MBP: variants seen among roughly 807,000 people sequenced by gnomAD.
MBP encodes myelin basic protein.
A neutral mutation model predicts 35.8 loss-of-function variants in MBP; 16 were observed. The ratio of observed to expected loss-of-function variants is 0.45; its 90% confidence interval spans 0.30 to 0.68. The LOEUF (loss-of-function observed/expected upper bound fraction) is 0.68, where lower values mean the gene tolerates loss of function less well. MBP is among the 30% of genes least tolerant of loss of function. The pLI, the probability that MBP is intolerant of heterozygous loss-of-function variation, is 0.08. For synonymous variants in MBP, 143 were observed against 159.6 expected (o/e 0.90, Z 0.78); for missense variants, 380 against 404.7 (o/e 0.94, Z 0.52).
chr18:77,112,188 C>CA (rs1976484801), intron 1 of MBP, among the ~76,000 whole-genome samples: 1 of 152,078 alleles, frequency 6.6e-6, no homozygotes, highest in African/African-American at 2.4e-5. Flanking sequence ...CACACACACA[C>CA]ACGTGCGCGC....
chr18:77,065,068 C>T (rs1333144411), intron 3 of MBP, among the ~76,000 whole-genome samples: 4 of 152,132 alleles, frequency 2.6e-5, no homozygotes, highest in African/African-American at 7.2e-5. Context: ...ATGTAAACCT[C>T]AAATGAGAAC....
chr18:77,116,566 C>T (rs1036329455), intron 1 of MBP, among the ~76,000 whole-genome samples: 3 of 152,198 alleles, frequency 2.0e-5, no homozygotes, highest in African/African-American at 7.2e-5. Context: ...CTTCTTAGTC[C>T]TGTCTACTGT....
At position 77,101,532 on chromosome 18, in the gene MBP, G is replaced by A. The variant is rs1006898353; in HGVS notation, c.51+3679C>T. Among the ~76,000 whole-genome samples the A allele has an allele frequency of 2.6e-5, 4 of 152,148 alleles. No homozygotes were observed. Among genetic ancestry groups the A allele is most frequent in the South Asian group, 2.1e-4 (1 of 4,826 alleles). ...TGCCCACTCCTCTGATGGGCGGAGT[G>A]CTTCTGCCTGAATCTGATGTCTCCT... is the stretch of plus-strand genomic sequence containing the variant. On this transcript the variant is annotated intron_variant, in intron 2 of 8. Transcript: ENST00000355994. The surrounding 1 kb of genome is among the most constrained non-coding windows in gnomAD (Gnocchi z 4.3).
chr18:77,116,199 A>G (rs561234238), intron 1 of MBP, among the ~76,000 whole-genome samples: 1 of 152,128 alleles, frequency 6.6e-6, no homozygotes, highest in African/African-American at 2.4e-5. Flanking sequence ...ACCTTCTGGA[A>G]CTTTCCAGAG....
At chr18:77,083,901 T>C (rs1975083430) in intron 2 of MBP, among the ~76,000 whole-genome samples, 1 of 152,158 alleles carries the variant, frequency 6.6e-6, no homozygotes, top group African/African-American at 2.4e-5. Flanking sequence ...GAAGTCAATG[T>C]TGTAAAATGG....
chr18:76,987,659 G>A (rs1161645832), intron 7 of MBP: 1 of 990,072 alleles, frequency 1.0e-6, no homozygotes, highest in Non-Finnish European at 1.2e-6. Context: ...TAGCGTATGA[G>A]AGCATTGCAG....
intron 7 of MBP, 72 bp from the exon 8 acceptor site, chr18:76,984,966 G>GC (rs1410701480): frequency 6.3e-7 from 1 of 1,590,562 alleles, no homozygotes; most frequent in Non-Finnish European, 8.5e-7. Flanking sequence ...ACTGGGAGCT[G>GC]CCACCAGGGC....
intron 2 of MBP, among the ~76,000 whole-genome samples, chr18:77,097,991 C>T (rs1208747005): frequency 6.6e-6 from 1 of 152,046 alleles, no homozygotes; most frequent in Non-Finnish European, 1.5e-5. Flanking sequence ...CCTGTCTCTC[C>T]CTCTATGTGA....
At chr18:77,025,318 AG>A (rs758618156) in intron 3 of MBP, among the ~76,000 whole-genome samples, 5 of 152,160 alleles carry the variant, frequency 3.3e-5, no homozygotes, top group African/African-American at 4.8e-5. Flanking sequence ...TGCTTCACGG[AG>A]GGCTGACCAG....
At chr18:77,089,109 G>A (rs1975397582) in intron 2 of MBP, among the ~76,000 whole-genome samples, 1 of 152,232 alleles carries the variant, frequency 6.6e-6, no homozygotes, top group African/African-American at 2.4e-5. Context: ...CAGGGCACCT[G>A]CCTTCTTCAT....
intron 2 of MBP, chr18:77,068,852 G>C (rs529447577): frequency 1.6e-3 from 645 of 408,774 alleles, no homozygotes; most frequent in Non-Finnish European, 2.5e-3. Context: ...CTAGAGATGT[G>C]GTGGGAGGGA....
intron 4 of MBP, among the ~76,000 whole-genome samples, chr18:77,007,647 AACACACACGC>A (rs1407241394): frequency 1.3e-5 from 2 of 151,966 alleles, no homozygotes; most frequent in East Asian, 3.9e-4. Flanking sequence ...CCCCCACACA[AACACACACGC>A]ACACACACCC....
In MBP at chr18:76,980,259, G is replaced by A. The variant is rs769727478; in HGVS notation, c.*168C>T. 3.3e-5 allele frequency: 24 copies of A among 735,272 alleles called. No homozygotes were observed. Among genetic ancestry groups the A allele is most frequent in the East Asian group, 2.7e-4 (11 of 40,806 alleles). The allele number at this position is 735,272 out of a possible 1,614,324, so 45.5% of individuals were successfully genotyped here. On this transcript the variant is annotated 3_prime_UTR_variant, in exon 9 of 9. Coordinates refer to ENST00000355994, the MANE Select transcript of MBP (RefSeq NM_001025101.2). ...TCATGTTCTCATTTAACTGTTGGCC[G>A]GAAATTGCCGGTAGGCTGCCGTGGC...
intron 2 of MBP, among the ~76,000 whole-genome samples, chr18:77,066,888 G>A (rs1046763478): frequency 3.0e-4 from 46 of 152,346 alleles, no homozygotes; most frequent in African/African-American, 9.6e-4. Flanking sequence ...GGGAGGAAGC[G>A]GCCTGTTGTG....
rs1161699846 is a variant in MBP, at chr18:77,044,560, A to G, written c.139+21738T>C. Among the ~76,000 whole-genome samples, 6 of 151,830 alleles carry G rather than the reference A, an allele frequency of 4.0e-5. No homozygotes were observed. Among genetic ancestry groups the G allele is most frequent in the Non-Finnish European group, 5.9e-5 (4 of 67,958 alleles). On this transcript the variant is annotated intron_variant, in intron 3 of 8. Coordinates refer to ENST00000355994, the MANE Select transcript of MBP (RefSeq NM_001025101.2). This position sits in a 1 kb window ranked among gnomAD's most constrained non-coding sequence, Gnocchi z 4.4. ...AGGGCCCTCGGCCTCGCTGTCTCAC[A>G]TCACTCGCCTCCCTACCCCACCTCC...
At chr18:76,992,486 T>C (rs1352469382) in intron 4 of MBP, among the ~76,000 whole-genome samples, 4 of 152,146 alleles carry the variant, frequency 2.6e-5, no homozygotes, top group African/African-American at 7.2e-5. Flanking sequence ...GGACCCCTTC[T>C]TTAAACGTTT....
chr18:76,986,719 T>C, intron 7 of MBP: 3 of 985,526 alleles, frequency 3.0e-6, no homozygotes, highest in Non-Finnish European at 3.6e-6. Context: ...CCAGCCTGGC[T>C]CTACATGGCA....
intron 3 of MBP, among the ~76,000 whole-genome samples, chr18:77,063,329 G>T (rs1450304084): frequency 1.3e-5 from 2 of 152,168 alleles, no homozygotes; most frequent in Admixed American, 1.3e-4. Context: ...GGCCCTTCCA[G>T]GTCGGCATCA....
intron 3 of MBP, among the ~76,000 whole-genome samples, chr18:77,017,934 C>CA (rs1039301411): frequency 6.6e-6 from 1 of 152,118 alleles, no homozygotes; most frequent in Non-Finnish European, 1.5e-5. Context: ...TAGCTTTCTC[C>CA]AAAAAATACC....
Sources: allele counts gnomAD v4.1 joint callset (sites outside exome capture counted in the v4.1 genomes callset), GRCh38; gene constraint gnomAD v4.1.1; non-coding constraint Gnocchi (gnomAD v3.1); transcripts MANE v1.5; gene names NCBI Gene and HGNC (gene_info 2026-07-23, HGNC 2026-07-21).